MASP1: variants seen among roughly 807,000 people sequenced by gnomAD.
MASP1 encodes MBL associated serine protease 1, also known as mannan-binding lectin serine protease 1.
Under a neutral mutation model 77.1 loss-of-function variants are expected in MASP1, and 59 were observed. That is an observed-to-expected ratio of 0.77 (90% CI 0.62 to 0.95). The LOEUF (loss-of-function observed/expected upper bound fraction) is 0.95. Ranked by LOEUF, MASP1 falls within the 40% of genes least tolerant of loss-of-function variation. The pLI, the probability that MASP1 is intolerant of heterozygous loss-of-function variation, is 0.00. For missense variants in MASP1, 885 were observed against 912.9 expected (o/e 0.97, Z 0.39); for synonymous variants, 362 against 354.5 (o/e 1.02, Z -0.24).
chr3:187,274,524 C>T (rs781039820), intron 2 of MASP1, among the ~76,000 whole-genome samples: 11 of 152,178 alleles, frequency 7.2e-5, no homozygotes, highest in Non-Finnish European at 1.5e-4. Context: ...CATGAAAAGA[C>T]CTCAAGTCTA....
chr3:187,255,137 G>A (rs1714965009), intron 5 of MASP1, among the ~76,000 whole-genome samples: 1 of 152,188 alleles, frequency 6.6e-6, no homozygotes, highest in Admixed American at 6.5e-5. Context: ...GATTATCTGG[G>A]TGGGCCTAAC....
chr3:187,287,865 C>T (rs746898258), intron 1 of MASP1, among the ~76,000 whole-genome samples: 16 of 152,124 alleles, frequency 1.1e-4, no homozygotes, highest in Non-Finnish European at 1.6e-4. Flanking sequence ...GTAATGCATA[C>T]ATTTGAGTTT....
intron 5 of MASP1, among the ~76,000 whole-genome samples, chr3:187,253,593 A>T (rs756773293): frequency 1.6e-4 from 24 of 152,216 alleles, no homozygotes; most frequent in Admixed American, 4.6e-4. Flanking sequence ...GAACCAACTC[A>T]AATGCCCATC....
At chr3:187,247,032 A>T (rs1714140173) in intron 8 of MASP1, 7 of 1,252,634 alleles carry the variant, frequency 5.6e-6, no homozygotes, top group Non-Finnish European at 7.1e-6. Flanking sequence ...GACCAAGGGC[A>T]TTTTTTTTTT....
chr3:187,218,238 A>T (rs926505362), exon 16 of MASP1: 1 of 152,198 alleles, frequency 6.6e-6, no homozygotes. Context: ...CATATGTTTC[A>T]TGTCTCCCAA....
At chr3:187,280,915 G>A (rs1050656152) in intron 2 of MASP1, among the ~76,000 whole-genome samples, 2 of 152,182 alleles carry the variant, frequency 1.3e-5, no homozygotes, top group African/African-American at 2.4e-5. Context: ...GAACATCAAG[G>A]CAAAGTAGAC....
At chr3:187,240,791 C>G (rs1713573927) in intron 10 of MASP1, among the ~76,000 whole-genome samples, 1 of 152,114 alleles carries the variant, frequency 6.6e-6, no homozygotes, top group Admixed American at 6.5e-5. Flanking sequence ...ACCACCACGA[C>G]TGGCTAATTT....
exon 16 of MASP1, chr3:187,217,895 C>T (rs770247406): frequency 2.0e-5 from 3 of 152,170 alleles, no homozygotes; most frequent in African/African-American, 4.8e-5. Flanking sequence ...CATTTCAAGT[C>T]CTGTTTAGAA....
intron 2 of MASP1, among the ~76,000 whole-genome samples, chr3:187,283,770 T>A (rs1717619030): frequency 6.6e-6 from 1 of 152,186 alleles, no homozygotes; most frequent in South Asian, 2.1e-4. Context: ...TAAACCAGTG[T>A]TTGGTAATTT....
At chr3:187,263,780 A>G (rs1455454659) in intron 2 of MASP1, among the ~76,000 whole-genome samples, 1 of 152,174 alleles carries the variant, frequency 6.6e-6, no homozygotes, top group African/African-American at 2.4e-5. Context: ...GAATTCAGAG[A>G]TCCAAGCAGA....
chr3:187,231,062 C>T (rs1043597519), downstream of MASP1, among the ~76,000 whole-genome samples: 2 of 152,232 alleles, frequency 1.3e-5, no homozygotes, highest in Admixed American at 6.5e-5. Flanking sequence ...CCAGCTTCCC[C>T]AAGCTAATGC....
intron 2 of MASP1, among the ~76,000 whole-genome samples, chr3:187,282,528 G>A (rs1037804006): frequency 6.6e-5 from 9 of 136,300 alleles, no homozygotes; most frequent in Non-Finnish European, 1.1e-4. Flanking sequence ...AGAAGAAAAC[G>A]TGTACTGGGG....
intron 8 of MASP1, chr3:187,247,274 C>T: frequency 6.2e-7 from 1 of 1,613,662 alleles, no homozygotes; most frequent in Non-Finnish European, 8.5e-7. Flanking sequence ...AGCTCTGGGC[C>T]CCAGGGGTCT....
rs373166870 is a variant in MASP1 at position 187,274,204 on chromosome 3, TAA to T, written c.238-11486_238-11485del. 4.1e-3 allele frequency among the ~76,000 whole-genome samples: 568 copies of T among 138,020 alleles called. 2 individuals carry two copies. Among genetic ancestry groups the T allele is most frequent in the African/African-American group, 0.015 (560 of 37,638 alleles). 90.5% of individuals were successfully genotyped at this position (138,020 alleles called of 152,430 possible). A position where few individuals can be genotyped will look rare whatever the true frequency, so the allele number is the denominator to read the frequency against. On this transcript the variant is annotated intron_variant, in intron 2 of 10. Coordinates refer to ENST00000296280, the MANE Select transcript of MASP1 (RefSeq NM_139125.4). ...GCCTGGGTGACAGAGCGAGACTCCA[TAA>T]AAAAAAAAAAAGTAATAAAAATAAT...
intron 10 of MASP1, among the ~76,000 whole-genome samples, chr3:187,241,208 T>C (rs1194967562): frequency 6.6e-6 from 1 of 152,152 alleles, no homozygotes. Context: ...CAGATGCACA[T>C]GCAAACTGTG....
chr3:187,291,418 G>C (rs66486845), intron 1 of MASP1: 1 of 641,272 alleles, frequency 1.6e-6, no homozygotes, highest in African/African-American at 1.8e-5. Context: ...GAAGTCTCCC[G>C]TTTCAAGTTT....
At chr3:187,260,973 A>G in intron 3 of MASP1, 101 bp from the exon 4 acceptor site, 1 of 1,319,152 alleles carries the variant, frequency 7.6e-7, no homozygotes, top group East Asian at 2.3e-5. Flanking sequence ...CTATGTTAGG[A>G]GATTCATGCG....
intron 5 of MASP1, among the ~76,000 whole-genome samples, chr3:187,254,404 G>T (rs1185559449): frequency 6.6e-6 from 1 of 152,090 alleles, no homozygotes; most frequent in East Asian, 1.9e-4. Flanking sequence ...CACTTTATAG[G>T]GAGAGAAAAC....
At chr3:187,226,389 T>G in intron 12 of MASP1, 1 of 1,568,252 alleles carries the variant, frequency 6.4e-7, no homozygotes, top group South Asian at 1.2e-5. Context: ...GGAGTCAGCT[T>G]GCCCCTCACT....
Sources: allele counts gnomAD v4.1 joint callset (sites outside exome capture counted in the v4.1 genomes callset), GRCh38; gene constraint gnomAD v4.1.1; transcripts MANE v1.5; gene names NCBI Gene and HGNC (gene_info 2026-07-23, HGNC 2026-07-21).